SVEP1: variants seen among roughly 807,000 people sequenced by gnomAD.
SVEP1 encodes the protein sushi, von Willebrand factor type A, EGF and pentraxin domain-containing protein 1.
Under a neutral mutation model 367.3 loss-of-function variants are expected in SVEP1, and 164 were observed. The ratio of observed to expected loss-of-function variants is 0.45; its 90% CI spans 0.39 to 0.51. SVEP1 has a LOEUF of 0.51. SVEP1 is among the 20% of genes least tolerant of loss of function. The pLI is 0.00. For synonymous variants in SVEP1, 1,666 were observed against 1,611.6 expected, an observed-to-expected ratio of 1.03 and a Z score of -0.81; for missense variants, 4,117 against 4,425.3, an observed-to-expected ratio of 0.93 and a Z score of 1.98.
intron 12 of SVEP1, among the ~76,000 whole-genome samples, 167 bp downstream of exon 12, chr9:110,481,075 T>TA (rs1300745827): frequency 6.6e-6 from 1 of 152,220 alleles, no homozygotes; most frequent in Non-Finnish European, 1.5e-5. Flanking sequence ...CTTTAGTGAC[T>TA]AATATTTTAA....
At chr9:110,462,030 A>G (rs1828865831) in intron 18 of SVEP1, among the ~76,000 whole-genome samples, 2 of 152,180 alleles carry the variant, frequency 1.3e-5, no homozygotes, top group Admixed American at 1.3e-4. Flanking sequence ...GAAAGCATCA[A>G]TCTTCTGCTG....
At chr9:110,371,788 C>T (rs1348988949) in intron 46 of SVEP1, among the ~76,000 whole-genome samples, 1 of 152,228 alleles carries the variant, frequency 6.6e-6, no homozygotes, top group Non-Finnish European at 1.5e-5. Context: ...AACTGTCTCT[C>T]AAATCTGCTC....
intron 40 of SVEP1, among the ~76,000 whole-genome samples, chr9:110,394,199 C>A (rs1035157101): frequency 1.3e-5 from 2 of 151,902 alleles, no homozygotes; most frequent in African/African-American, 4.8e-5. Flanking sequence ...TGCGGTTCAC[C>A]AATATCCGCT....
intron 8 of SVEP1, among the ~76,000 whole-genome samples, chr9:110,493,464 T>C (rs1588079779): frequency 6.6e-6 from 1 of 151,862 alleles, no homozygotes; most frequent in South Asian, 2.1e-4. Flanking sequence ...CCAGGCACGG[T>C]TGGCTCATGC....
chr9:110,402,102 A>C (rs549355760), intron 39 of SVEP1, among the ~76,000 whole-genome samples: 32 of 152,126 alleles, frequency 2.1e-4, no homozygotes, highest in Non-Finnish European at 4.3e-4. Flanking sequence ...GTTAAAAGCT[A>C]CATATTATTG....
intron 40 of SVEP1, among the ~76,000 whole-genome samples, chr9:110,399,420 A>G (rs956573513): frequency 1.4e-4 from 21 of 152,142 alleles, no homozygotes; most frequent in Admixed American, 6.6e-5. Flanking sequence ...CCACACCAAC[A>G]TGGCACATGT....
At chr9:110,508,399 C>A (rs1421423617) in intron 5 of SVEP1, among the ~76,000 whole-genome samples, 1 of 152,012 alleles carries the variant, frequency 6.6e-6, no homozygotes, top group African/African-American at 2.4e-5. Flanking sequence ...ATTGGTTGAA[C>A]CTTTTTACTC....
chr9:110,381,864 G>A (rs925636204), intron 43 of SVEP1, among the ~76,000 whole-genome samples: 2 of 149,486 alleles, frequency 1.3e-5, no homozygotes, highest in African/African-American at 2.6e-5. Context: ...TATGAATTTG[G>A]GTGCTCCTGT....
At chr9:110,428,015 A>C (rs1828281289) in intron 35 of SVEP1, among the ~76,000 whole-genome samples, 1 of 152,230 alleles carries the variant, frequency 6.6e-6, no homozygotes, top group African/African-American at 2.4e-5. Flanking sequence ...GAATCTGCTT[A>C]TGGGCAGTGG....
chr9:110,431,975 C>T lies in SVEP1; in HGVS notation c.5293G>A (p.Asp1765Asn). Residue 1765 changes from aspartate to asparagine, a missense_variant, in exon 32 of 48, where the codon GAT becomes AAT. By Grantham distance (23) the Asp-to-Asn change is conservative. Coordinates refer to ENST00000374469, the MANE Select transcript of SVEP1 (RefSeq NM_153366.4). ...CSEHASCLNV[D>N]GSYICSCVPP... is the part of the protein sequence containing the mutation. ...ACACATGAACATATGTAGGATCCAT[C>T]TACGTTCAGGCAAGAAGCATGCTCA... 1 of 1,613,620 alleles carries T rather than the reference C, an allele frequency of 6.2e-7. No homozygotes were observed. Among genetic ancestry groups the T allele is most frequent in the Non-Finnish European group, 8.5e-7 (1 of 1,179,696 alleles).
rs750959592 is a variant in SVEP1 at position 110,406,584 on chromosome 9, T to G, written c.9016A>C (p.Arg3006=). 1.2e-6 allele frequency: 2 copies of G among 1,613,808 alleles called. No individual in the cohort carries two copies. Among genetic ancestry groups the G allele is most frequent in the Non-Finnish European group, 1.7e-6 (2 of 1,179,834 alleles). Residue 3006 remains arginine (R), a synonymous_variant, in exon 38 of 48, where the codon AGA becomes CGA. Transcript: ENST00000374469. ...SGSSPSCLPC[R]CSTPVIEYGT... The stretch of plus-strand genomic sequence containing the variant: ...TATTCAATTACTGGTGTGGAACATC[T>G]GCAAGGCAGGCAGGAAGGTGAGCTG...
chr9:110,476,954 T>G (rs1829106065), intron 13 of SVEP1, among the ~76,000 whole-genome samples: 1 of 152,136 alleles, frequency 6.6e-6, no homozygotes, highest in Admixed American at 6.5e-5. Context: ...CACTGACCCT[T>G]CTGGTGACAG....
At chr9:110,390,274 CTT>C (rs1491566468) in intron 40 of SVEP1, among the ~76,000 whole-genome samples, 2 of 90,654 alleles carry the variant, frequency 2.2e-5, no homozygotes, top group Non-Finnish European at 4.4e-5. Context: ...TATATATATA[CTT>C]ATATATATAC....
chr9:110,405,660 T>C (rs578193099), intron 38 of SVEP1, among the ~76,000 whole-genome samples: 3 of 152,366 alleles, frequency 2.0e-5, no homozygotes, highest in African/African-American at 7.2e-5. Context: ...ATATGTATTA[T>C]GAATACCTAC....
At chr9:110,499,770 A>C (rs138932318) in intron 6 of SVEP1, among the ~76,000 whole-genome samples, 109 of 152,324 alleles carry the variant, frequency 7.2e-4, no homozygotes, top group African/African-American at 2.5e-3. Context: ...AATTAGGCAG[A>C]ATGCAGATGG....
At chr9:110,458,694 A>G in intron 19 of SVEP1, 132 bp from the exon 20 acceptor site, 1 of 1,008,610 alleles carries the variant, frequency 9.9e-7, no homozygotes, top group East Asian at 2.6e-5. Context: ...TTATATTTTA[A>G]AAAAGAAAAC....
chr9:110,468,826 A>G, intron 17 of SVEP1, 114 bp downstream of exon 17: 1 of 1,032,556 alleles, frequency 9.7e-7, no homozygotes, highest in African/African-American at 1.6e-5. Context: ...ATCTTTTGCC[A>G]CAGGGGCCTC....
At chr9:110,490,611 TC>T (rs1829353288) in intron 8 of SVEP1, among the ~76,000 whole-genome samples, 2 of 152,108 alleles carry the variant, frequency 1.3e-5, no homozygotes, top group African/African-American at 4.8e-5. Context: ...ATTTATTATT[TC>T]CTTGTAATAG....
intron 36 of SVEP1, among the ~76,000 whole-genome samples, chr9:110,427,260 T>G (rs1828267491): frequency 7.7e-6 from 1 of 130,000 alleles, no homozygotes; most frequent in African/African-American, 3.0e-5. Flanking sequence ...TTCATACCAA[T>G]GCACTCCAGC....
Sources: gnomAD v4.1 joint callset for allele counts (sites outside exome capture counted in the v4.1 genomes callset) on GRCh38, gnomAD v4.1.1 for gene constraint, MANE v1.5 for transcripts, NCBI Gene and HGNC (gene_info 2026-07-23, HGNC 2026-07-21) for gene names.